PRUNE2: variants seen among roughly 807,000 people sequenced by gnomAD.
PRUNE2 encodes the protein protein prune homolog 2.
In PRUNE2, 164 loss-of-function variants were observed where a neutral mutation model predicts 252.0. The observed-to-expected ratio is 0.65, with a 90% CI of 0.57 to 0.74. PRUNE2 has a LOEUF of 0.74. PRUNE2 is among the 30% of genes least tolerant of loss of function. The pLI is 0.00. For missense variants in PRUNE2, 3,495 were observed against 3,711.0 expected (o/e 0.94, Z 1.51); for synonymous variants, 1,292 against 1,350.2 (o/e 0.96, Z 0.94).
At chr9:76,748,160 T>C (rs191055811) in intron 6 of PRUNE2, among the ~76,000 whole-genome samples, 135 of 152,312 alleles carry the variant, frequency 8.9e-4, no homozygotes, top group Non-Finnish European at 1.5e-3. Flanking sequence ...GAAGGCCTGC[T>C]TTCCCTAACA....
chr9:76,697,132 A>G (rs1289356542), intron 9 of PRUNE2, among the ~76,000 whole-genome samples: 2 of 151,984 alleles, frequency 1.3e-5, no homozygotes, highest in African/African-American at 2.4e-5. Context: ...TTTCATAGAG[A>G]TTTTTTTCCC....
chr9:76,834,084 T>C (rs2058824950), intron 4 of PRUNE2, among the ~76,000 whole-genome samples: 1 of 151,942 alleles, frequency 6.6e-6, no homozygotes, highest in African/African-American at 2.4e-5. Context: ...GGTTTCACCA[T>C]GTTGGCCAGT....
At chr9:76,810,216 C>T (rs929439494) in intron 6 of PRUNE2, among the ~76,000 whole-genome samples, 15 of 152,284 alleles carry the variant, frequency 9.9e-5, no homozygotes, top group African/African-American at 3.6e-4. Context: ...TGTCATGAAC[C>T]ACCTTTTCTA....
chr9:76,832,753 A>G (rs565970773), intron 4 of PRUNE2, among the ~76,000 whole-genome samples: 1 of 152,170 alleles, frequency 6.6e-6, no homozygotes, highest in Admixed American at 6.5e-5. Context: ...CAAAACTTGG[A>G]TTTCTGGAAA....
At chr9:76,648,013 A>C (rs1004822440) in intron 11 of PRUNE2, among the ~76,000 whole-genome samples, 1 of 152,112 alleles carries the variant, frequency 6.6e-6, no homozygotes, top group Non-Finnish European at 1.5e-5. Context: ...TGGGCAAAAG[A>C]CCTGGACAGG....
At chr9:76,776,091 T>C (rs1011429655) in intron 6 of PRUNE2, among the ~76,000 whole-genome samples, 6 of 152,230 alleles carry the variant, frequency 3.9e-5, no homozygotes, top group Admixed American at 6.5e-5. Flanking sequence ...AATCAACTCA[T>C]GAGTAAATAT....
chr9:76,695,502 A>C (rs895009677), intron 9 of PRUNE2, among the ~76,000 whole-genome samples: 3 of 152,242 alleles, frequency 2.0e-5, no homozygotes, highest in Non-Finnish European at 2.9e-5. Flanking sequence ...GAGGAACTGT[A>C]ATGAACAAGA....
chr9:76,781,892 A>G (rs1240982289), intron 6 of PRUNE2, among the ~76,000 whole-genome samples: 2 of 152,198 alleles, frequency 1.3e-5, no homozygotes, highest in Non-Finnish European at 2.9e-5. Context: ...GAATACAGGT[A>G]GGCAAGGTAA....
intron 4 of PRUNE2, among the ~76,000 whole-genome samples, chr9:76,844,518 G>C (rs73653221): frequency 0.085 from 12,891 of 152,082 alleles, 691 homozygotes; most frequent in East Asian, 0.15. Context: ...TAAATTACCC[G>C]ATCTCAGATA....
intron 6 of PRUNE2, among the ~76,000 whole-genome samples, chr9:76,720,969 C>T (rs888219091): frequency 4.6e-5 from 7 of 152,028 alleles, no homozygotes; most frequent in African/African-American, 1.7e-4. Context: ...GGCGTGGTGA[C>T]CGGCGCGTGT....
chr9:76,825,787 A>T (rs1329237969), intron 5 of PRUNE2, among the ~76,000 whole-genome samples: 1 of 152,238 alleles, frequency 6.6e-6, no homozygotes, highest in Admixed American at 6.5e-5. Flanking sequence ...ACCTGTATAC[A>T]GTAGGTATCC....
At chr9:76,794,870 G>A (rs953896809) in intron 6 of PRUNE2, among the ~76,000 whole-genome samples, 1 of 152,098 alleles carries the variant, frequency 6.6e-6, no homozygotes, top group African/African-American at 2.4e-5. Context: ...TAAGCAAAGT[G>A]TCCAGAACAT....
At chr9:76,880,824 T>G (rs932038034) in intron 1 of PRUNE2, among the ~76,000 whole-genome samples, 6 of 152,214 alleles carry the variant, frequency 3.9e-5, no homozygotes, top group African/African-American at 1.4e-4. Context: ...AATGTTATTT[T>G]GTTAACATGA....
chr9:76,760,397 G>C (rs1318726273), intron 6 of PRUNE2, among the ~76,000 whole-genome samples: 1 of 152,100 alleles, frequency 6.6e-6, no homozygotes, highest in Non-Finnish European at 1.5e-5. Context: ...AGTCACCCTT[G>C]ATATCACTGC....
intron 6 of PRUNE2, chr9:76,784,347 G>A (rs965676514): frequency 1.3e-5 from 2 of 152,184 alleles, no homozygotes; most frequent in African/African-American, 2.4e-5. Context: ...AAATCTTGAT[G>A]GCTTCACAAG....
At chr9:76,785,402 G>C (rs2054874655) in intron 6 of PRUNE2, 1 of 152,178 alleles carries the variant, frequency 6.6e-6, no homozygotes, top group African/African-American at 2.4e-5. Flanking sequence ...TGTTTATGGG[G>C]CACGTTTGTA....
chr9:76,766,139 C>T lies in PRUNE2; in HGVS notation c.757-52418G>A, dbSNP rs143854343. On this transcript the variant is annotated intron_variant, in intron 6 of 18. Transcript: ENST00000376718. ...CGGAGGTTGCAGTGAGCCAAGATTG[C>T]GCCACTGCACTCTAGCCTGGGTGAC... 4.3e-3 allele frequency among the ~76,000 whole-genome samples: 644 copies of T among 150,200 alleles called. 7 individuals are homozygous for T. Among genetic ancestry groups the T allele is most frequent in the African/African-American group, 0.015 (610 of 40,844 alleles).
rs981949261 is a variant in PRUNE2 at position 76,752,388 on chromosome 9, C to T, written c.757-38667G>A. Among the ~76,000 whole-genome samples, 31 of 152,132 alleles carry T rather than the reference C, an allele frequency of 2.0e-4. 1 individual carries two copies. Among genetic ancestry groups the T allele is most frequent in the Admixed American group, 9.2e-4 (14 of 15,270 alleles). On this transcript the variant is annotated intron_variant, in intron 6 of 18. Coordinates refer to ENST00000376718, the MANE Select transcript of PRUNE2 (RefSeq NM_015225.3). ...CTGGGATTACAGGCGTGAGCCACCG[C>T]GCCCGGCAACTCACTCAATTCTTAA...
intron 6 of PRUNE2, chr9:76,779,070 T>C (rs1372177189): frequency 2.0e-5 from 3 of 152,218 alleles, no homozygotes; most frequent in East Asian, 1.9e-4. Context: ...GAAGATACTA[T>C]GTTATGTGAT....
Sources: gnomAD v4.1 joint callset for allele counts (sites outside exome capture counted in the v4.1 genomes callset) on GRCh38, gnomAD v4.1.1 for gene constraint, MANE v1.5 for transcripts, NCBI Gene and HGNC (gene_info 2026-07-23, HGNC 2026-07-21) for gene names.